ISM1: variants seen among roughly 807,000 people sequenced by gnomAD.
ISM1 encodes isthmin-1.
In ISM1, 25 loss-of-function variants were observed where a neutral mutation model predicts 46.3. The observed-to-expected ratio is 0.54, with a 90% CI of 0.39 to 0.75. ISM1 has a LOEUF of 0.75. Ranked by LOEUF, ISM1 falls within the 30% of genes least tolerant of loss-of-function variation. The probability of loss-of-function intolerance (pLI) is 0.00; values close to 1 mark genes in which losing one functional copy is unlikely to be tolerated. For synonymous variants in ISM1, 255 were observed against 256.7 expected (o/e 0.99, Z 0.06); for missense variants, 536 against 625.4 (o/e 0.86, Z 1.52).
Position 13,300,233 on chromosome 20 carries a change from C to T in ISM1, c.*774C>T, listed in dbSNP as rs1365394019. 1 of 152,172 alleles carries T rather than the reference C, an allele frequency of 6.6e-6. No individual in the cohort carries two copies. Among genetic ancestry groups the T allele is most frequent in the Non-Finnish European group, 1.5e-5 (1 of 68,030 alleles). The allele number at this position is 152,172 out of a possible 1,614,324, so 9.4% of individuals were successfully genotyped here. On this transcript the variant is annotated 3_prime_UTR_variant, in exon 6 of 6. Transcript: ENST00000262487. ...GCCCCAAAACAGTAGAATTTCTGCT[C>T]ATGTCCTAGCAGGTTCAGAAGACTG...
chr20:13,258,932 G>A (rs1031559503), intron 1 of ISM1, among the ~76,000 whole-genome samples: 2 of 152,108 alleles, frequency 1.3e-5, no homozygotes, highest in Non-Finnish European at 2.9e-5. Context: ...TAAAGAAGGT[G>A]AGAGAGCATA....
the ISM1 span, among the ~76,000 whole-genome samples, chr20:13,310,919 C>T: frequency 6.6e-6 from 1 of 152,196 alleles, no homozygotes; most frequent in Non-Finnish European, 1.5e-5. Context: ...AGAGGCCAGG[C>T]ACGGTGGCTC....
intron 2 of ISM1, among the ~76,000 whole-genome samples, chr20:13,274,344 G>A (rs1322846265): frequency 6.6e-6 from 1 of 152,146 alleles, no homozygotes; most frequent in African/African-American, 2.4e-5. Flanking sequence ...GTCCCTGCCG[G>A]CCCCGTCAAA....
At chr20:13,275,070 ACT>A (rs1268609496) in intron 2 of ISM1, among the ~76,000 whole-genome samples, 1 of 152,228 alleles carries the variant, frequency 6.6e-6, no homozygotes, top group African/African-American at 2.4e-5. Flanking sequence ...AAATAAATGC[ACT>A]GTTAGGCTTA....
In ISM1 at chr20:13,276,865, C is replaced by T. The variant is rs75014602; in HGVS notation, c.379-2769C>T. 1.8e-3 allele frequency among the ~76,000 whole-genome samples: 280 copies of T among 152,316 alleles called. 1 individual carries two copies. Among genetic ancestry groups the T allele is most frequent in the Middle Eastern group, 6.8e-3 (2 of 294 alleles). On this transcript the variant is annotated intron_variant, in intron 2 of 5. Transcript: ENST00000262487. ...CTTTTTAATTGGATGCCTATGAAAC[C>T]TCAGGCTCAAGATTAGATTTCTTCT...
At chr20:13,251,749 A>G (rs1420135235) in intron 1 of ISM1, among the ~76,000 whole-genome samples, 2 of 152,224 alleles carry the variant, frequency 1.3e-5, no homozygotes, top group East Asian at 3.8e-4. Flanking sequence ...GAAGCCATTC[A>G]TAAGTTTGTA....
rs1264455237 is a variant in ISM1, at chr20:13,299,683, G to C, written c.*224G>C. 2.1e-6 allele frequency: 1 copy of C among 479,874 alleles called. No individual in the cohort carries two copies. Among genetic ancestry groups the C allele is most frequent in the African/African-American group, 1.9e-5 (1 of 52,572 alleles). The allele number at this position is 479,874 out of a possible 1,614,324, so 29.7% of individuals were successfully genotyped here. A position where few individuals can be genotyped will look rare whatever the true frequency, so the allele number is the denominator to read the frequency against. On this transcript the variant is annotated 3_prime_UTR_variant, in exon 6 of 6. Coordinates refer to ENST00000262487, the MANE Select transcript of ISM1 (RefSeq NM_080826.2). This position sits in a 1 kb window ranked among gnomAD's most constrained non-coding sequence, Gnocchi z 5.8. ...GCAGAGCTCCTTGAAAGTGCCCCTG[G>C]GGAGCGATGTGGGCAGAAGGATGGG... is the stretch of plus-strand genomic sequence containing the variant.
At chr20:13,317,790 T>A in the ISM1 span, among the ~76,000 whole-genome samples, 2 of 152,038 alleles carry the variant, frequency 1.3e-5, no homozygotes, top group Non-Finnish European at 2.9e-5. Flanking sequence ...AAAAATTAAC[T>A]CAAAATGAAT....
chr20:13,313,313 G>A, the ISM1 span, among the ~76,000 whole-genome samples: 1 of 152,292 alleles, frequency 6.6e-6, no homozygotes, highest in South Asian at 2.1e-4. Context: ...CAACCTAAAG[G>A]TTTCTCTGCA....
At chr20:13,226,184 T>A (rs2039523241) in intron 1 of ISM1, among the ~76,000 whole-genome samples, 1 of 151,248 alleles carries the variant, frequency 6.6e-6, no homozygotes, top group Non-Finnish European at 1.5e-5. Flanking sequence ...TTCCTAACTA[T>A]CATCTTTATG....
At chr20:13,308,314 AG>A in the ISM1 span, among the ~76,000 whole-genome samples, 1 of 152,214 alleles carries the variant, frequency 6.6e-6, no homozygotes, top group Admixed American at 6.5e-5. Context: ...GGACCAAATG[AG>A]GGTGTGATTA....
intron 2 of ISM1, among the ~76,000 whole-genome samples, chr20:13,274,330 G>A (rs1306137661): frequency 6.6e-6 from 1 of 152,156 alleles, no homozygotes; most frequent in African/African-American, 2.4e-5. Context: ...GCTGGTCCCT[G>A]ACGGTCCCTG....
intron 2 of ISM1, 76 bp downstream of exon 2, chr20:13,270,819 T>C: frequency 3.5e-6 from 5 of 1,417,276 alleles, no homozygotes; most frequent in Non-Finnish European, 4.9e-6. Context: ...CAGTGGAAAC[T>C]GCTGCCTTAC....
At chr20:13,226,382 G>A (rs778796584) in intron 1 of ISM1, among the ~76,000 whole-genome samples, 5 of 151,516 alleles carry the variant, frequency 3.3e-5, no homozygotes, top group South Asian at 4.2e-4. Context: ...TTACCTGCTC[G>A]TTTTCCAGTC....
At chr20:13,224,182 T>A (rs1350817875) in intron 1 of ISM1, among the ~76,000 whole-genome samples, 1 of 152,174 alleles carries the variant, frequency 6.6e-6, no homozygotes, top group Non-Finnish European at 1.5e-5. Context: ...GTCCACTCAA[T>A]GCACACACTT....
In ISM1 at chr20:13,288,456, G is replaced by C; in HGVS notation, c.644-84G>C. The C allele has an allele frequency of 2.8e-6, 4 of 1,428,142 alleles. No individual in the cohort carries two copies. The South Asian group carries it at 5.0e-5, about 18-fold the overall frequency. 88.5% of individuals were successfully genotyped at this position (1,428,142 alleles called of 1,614,324 possible). ...CCCTCCCACAGCGAGAAGGATAGAA[G>C]TGAATAATTGACAGGCTGCTTGATG... On this transcript the variant is annotated intron_variant, in intron 3 of 5. Transcript: ENST00000262487.
intron 2 of ISM1, among the ~76,000 whole-genome samples, chr20:13,277,364 C>G (rs1008526734): frequency 1.3e-5 from 2 of 152,138 alleles, no homozygotes; most frequent in Non-Finnish European, 2.9e-5. Context: ...GGCAGCCTCT[C>G]CCCTCCAAGA....
chr20:13,295,726 G>C (rs570959600), intron 5 of ISM1, among the ~76,000 whole-genome samples: 4 of 152,352 alleles, frequency 2.6e-5, no homozygotes, highest in East Asian at 1.9e-4. Context: ...AGGAAGGCAG[G>C]CTCAGCCATG....
the ISM1 span, among the ~76,000 whole-genome samples, chr20:13,326,112 G>A: frequency 6.6e-6 from 1 of 152,158 alleles, no homozygotes; most frequent in Non-Finnish European, 1.5e-5. Flanking sequence ...TAAGGCCTTT[G>A]AGATTCATCC....
Sources: gnomAD v4.1 joint callset for allele counts (sites outside exome capture counted in the v4.1 genomes callset) on GRCh38, gnomAD v4.1.1 for gene constraint, Gnocchi (gnomAD v3.1) non-coding constraint, MANE v1.5 for transcripts, NCBI Gene and HGNC (gene_info 2026-07-23, HGNC 2026-07-21) for gene names.